Variants in FBXO10 observed in about 807,000 individuals in gnomAD.
FBXO10 encodes the protein F-box only protein 10.
FBXO10 carries 39 observed loss-of-function variants against 80.7 expected under a neutral mutation model. The observed-to-expected ratio is 0.48, with a 90% CI of 0.37 to 0.63. The LOEUF (loss-of-function observed/expected upper bound fraction) is 0.63. Ranked by LOEUF, FBXO10 falls within the 30% of genes least tolerant of loss-of-function variation. The pLI is 0.00. For synonymous variants in FBXO10, 449 were observed against 489.6 expected (o/e 0.92, Z 1.09); for missense variants, 1,025 against 1,269.0 (o/e 0.81, Z 2.92).
At chr9:37,574,133 C>T (rs1822832268) in intron 1 of FBXO10, among the ~76,000 whole-genome samples, 1 of 152,178 alleles carries the variant, frequency 6.6e-6, no homozygotes, top group African/African-American at 2.4e-5. Flanking sequence ...CTATCTACAT[C>T]ATCAGAGCCC....
chr9:37,545,442 CCTGGGATTA>C (rs1254400667), intron 1 of FBXO10, among the ~76,000 whole-genome samples: 1 of 152,046 alleles, frequency 6.6e-6, no homozygotes, highest in Admixed American at 6.6e-5. Flanking sequence ...CTCCCAAAGT[CCTGGGATTA>C]CAGGCGTGAG....
At chr9:37,520,172 G>C (rs978981721) in intron 8 of FBXO10, among the ~76,000 whole-genome samples, 1 of 149,458 alleles carries the variant, frequency 6.7e-6, no homozygotes. Flanking sequence ...TCCATTTCCC[G>C]ACCCACCCAT....
intron 2 of FBXO10, among the ~76,000 whole-genome samples, chr9:37,539,118 T>A (rs980347732): frequency 1.3e-5 from 2 of 152,238 alleles, no homozygotes; most frequent in Non-Finnish European, 2.9e-5. Context: ...CATGATTCCA[T>A]TTAATAATCC....
At chr9:37,524,740 C>G (rs1462957559) in intron 6 of FBXO10, among the ~76,000 whole-genome samples, 1 of 152,170 alleles carries the variant, frequency 6.6e-6, no homozygotes, top group East Asian at 1.9e-4. Flanking sequence ...AGCTAAGACC[C>G]AAAGGATAAG....
At chr9:37,573,111 G>A (rs1236245308) in intron 1 of FBXO10, among the ~76,000 whole-genome samples, 1 of 152,082 alleles carries the variant, frequency 6.6e-6, no homozygotes, top group Admixed American at 6.6e-5. Flanking sequence ...GAGAATCATC[G>A]GTAGGCAGAA....
chr9:37,574,420 C>T (rs1207971804), intron 1 of FBXO10, among the ~76,000 whole-genome samples: 1 of 152,164 alleles, frequency 6.6e-6, no homozygotes, highest in Non-Finnish European at 1.5e-5. Flanking sequence ...AATACAATTC[C>T]CCTGATAACC....
At position 37,537,377 on chromosome 9, in the gene FBXO10, T is replaced by C; in HGVS notation, c.1152A>G (p.Val384=). Residue 384 remains valine (V), a synonymous_variant, in exon 3 of 11, where the codon GTA becomes GTG. Transcript: ENST00000432825. ...GTGGGCCCAGAAATGAGCCCCCCAATACAGGGCGTGGGCCCTGCACTTGGT... is the reference window on the plus strand; with the variant it reads ...GTGGGCCCAGAAATGAGCCCCCCAACACAGGGCGTGGGCCCTGCACTTGGT... ...LSYQVQGPRP[V]LGGSFLGPPL... is the part of the protein sequence containing the mutation. 1.9e-6 allele frequency: 3 copies of C among 1,597,192 alleles called. No homozygotes were observed. The highest frequency in any genetic ancestry group is 1.8e-5 in the Admixed American group (1 of 56,716).
rs527907752 is a variant in FBXO10, at chr9:37,570,574, T to C, written c.-7+5637A>G. On this transcript the variant is annotated intron_variant, in intron 1 of 10. Transcript: ENST00000432825. ...AATTTATTATGAAGACTATCACTGATGATAAGAGCAGGTTCTCTGAAAAGA... is the reference window on the plus strand; with the variant it reads ...AATTTATTATGAAGACTATCACTGACGATAAGAGCAGGTTCTCTGAAAAGA... Among the ~76,000 whole-genome samples, 8 of 152,040 alleles carry C rather than the reference T, an allele frequency of 5.3e-5. No individual in the cohort carries two copies. The South Asian group carries it at 1.0e-3, about 20-fold the overall frequency.
chr9:37,552,691 CAAAA>C (rs779389401), intron 1 of FBXO10, among the ~76,000 whole-genome samples: 2 of 95,306 alleles, frequency 2.1e-5, no homozygotes, highest in Admixed American at 1.2e-4. Context: ...GACTCCATAT[CAAAA>C]AAAAAAAAAA....
rs1035182964 is a variant in FBXO10 at position 37,514,933 on chromosome 9, A to G, written c.2696+971T>C. On this transcript the variant is annotated intron_variant, in intron 10 of 10. Coordinates refer to ENST00000432825, the MANE Select transcript of FBXO10 (RefSeq NM_012166.3). ...GTGTAATACAAAAAGTATGGAGATC[A>G]TTACAACAGAACATGAAGATCCATG... 9 of 152,278 alleles carry G rather than the reference A, an allele frequency of 5.9e-5. No homozygotes were observed. In the East Asian group the frequency reaches 1.3e-3, roughly 23 times the overall value. The allele number at this position is 152,278 out of a possible 1,614,324, so 9.4% of individuals were successfully genotyped here. A position where few individuals can be genotyped will look rare whatever the true frequency, so the allele number is the denominator to read the frequency against.
At chr9:37,561,422 G>T (rs1030850909) in intron 1 of FBXO10, among the ~76,000 whole-genome samples, 1 of 152,108 alleles carries the variant, frequency 6.6e-6, no homozygotes, top group Admixed American at 6.5e-5. Context: ...CCCACTGGAG[G>T]TATCCACATG....
rs1821079730 is a variant in FBXO10 at position 37,512,456 on chromosome 9, A to G, written c.*91T>C. 4 of 1,408,146 alleles carry G rather than the reference A, an allele frequency of 2.8e-6. No homozygotes were observed. The highest frequency in any genetic ancestry group is 4.1e-5 in the Admixed American group (2 of 49,284). 87.2% of individuals were successfully genotyped at this position (1,408,146 alleles called of 1,614,324 possible). ...CCCGGGACCCATTTGTTCGAGGGGG[A>G]GGGGGAGGGGCGGAGTCTTTTCAGG... On this transcript the variant is annotated 3_prime_UTR_variant, in exon 11 of 11. Coordinates refer to ENST00000432825, the MANE Select transcript of FBXO10 (RefSeq NM_012166.3).
intron 1 of FBXO10, among the ~76,000 whole-genome samples, chr9:37,549,843 CCT>C (rs905579382): frequency 3.9e-5 from 6 of 152,168 alleles, no homozygotes; most frequent in Non-Finnish European, 8.8e-5. Context: ...TGGCATTGTA[CCT>C]TTTTATTAGG....
chr9:37,544,829 C>T (rs2119136868), intron 1 of FBXO10, among the ~76,000 whole-genome samples: 1 of 151,776 alleles, frequency 6.6e-6, no homozygotes, highest in East Asian at 1.9e-4. Flanking sequence ...CCCGTCTCTA[C>T]TAAAAATACA....
At chr9:37,542,485 C>T (rs563083264) in intron 1 of FBXO10, among the ~76,000 whole-genome samples, 104 of 150,976 alleles carry the variant, frequency 6.9e-4, no homozygotes, top group African/African-American at 2.5e-3. Flanking sequence ...ATCCCAGCTA[C>T]TTGGGAGTCT....
At chr9:37,519,059 G>A (rs942387355) in intron 8 of FBXO10, among the ~76,000 whole-genome samples, 9 of 152,100 alleles carry the variant, frequency 5.9e-5, no homozygotes, top group Middle Eastern at 3.4e-3. Flanking sequence ...ACAGGCACCC[G>A]CCACCACGCC....
chr9:37,566,935 G>T (rs1487935472), intron 1 of FBXO10, among the ~76,000 whole-genome samples: 1 of 152,104 alleles, frequency 6.6e-6, no homozygotes, highest in Non-Finnish European at 1.5e-5. Context: ...TGGGCTTGGA[G>T]CCATAAGGAC....
Position 37,537,929 on chromosome 9 carries a change from G to A in FBXO10, c.600C>T (p.His200=), listed in dbSNP as rs781781035. The A allele has an allele frequency of 2.9e-5, 46 of 1,613,152 alleles. No homozygotes were observed. The highest frequency in any genetic ancestry group is 6.7e-5 in the Admixed American group (4 of 59,980). The change falls in exon 3 of 11, where the codon CAC becomes CAT. Residue 200 remains histidine (H), a synonymous_variant. Coordinates refer to ENST00000432825, the MANE Select transcript of FBXO10 (RefSeq NM_012166.3). ...CAAAGTTGCAGTTGTCAAACTGGAC[G>A]TGACCTGATGTTGTCTGGGGAATGA... ...SPIMYKTTSG[H]VQFDNCNFEN...
chr9:37,516,689 G>C (rs1564331691), intron 9 of FBXO10, among the ~76,000 whole-genome samples: 1 of 152,212 alleles, frequency 6.6e-6, no homozygotes, highest in Admixed American at 6.5e-5. Flanking sequence ...GTATAGGCTG[G>C]GTGCAGTGGC....
Sources: gnomAD v4.1 joint callset for allele counts (sites outside exome capture counted in the v4.1 genomes callset) on GRCh38, gnomAD v4.1.1 for gene constraint, MANE v1.5 for transcripts, NCBI Gene and HGNC (gene_info 2026-07-23, HGNC 2026-07-21) for gene names.